The following WWOX variants were observed in gnomAD, a reference collection of about 807,000 sequenced individuals.
The protein encoded by WWOX is WW domain-containing oxidoreductase.
In WWOX, 69 loss-of-function variants were observed where a neutral mutation model predicts 46.2. The ratio of observed to expected loss-of-function variants is 1.49; its 90% CI spans 1.23 to 1.82. The LOEUF (loss-of-function observed/expected upper bound fraction) is 1.82, where lower values mean the gene tolerates loss of function less well. Among genes scored for constraint, WWOX ranks in the 40% most tolerant of loss-of-function variants. The pLI is 0.00. For missense variants in WWOX, 919 were observed against 542.6 expected (o/e 1.69, Z -6.89); for synonymous variants, 359 against 202.6 (o/e 1.77, Z -6.56).
At chr16:79,092,595 C>T (rs2048984961) in intron 8 of WWOX, among the ~76,000 whole-genome samples, 1 of 152,274 alleles carries the variant, frequency 6.6e-6, no homozygotes, top group Non-Finnish European at 1.5e-5. Context: ...TGTAATTGGT[C>T]TTTAGCCTGA....
intron 8 of WWOX, among the ~76,000 whole-genome samples, chr16:79,184,795 C>T (rs547513494): frequency 1.1e-4 from 17 of 152,290 alleles, no homozygotes; most frequent in Non-Finnish European, 2.2e-4. Flanking sequence ...GTTAATTCCT[C>T]CAGCTAATTT....
chr16:78,140,158 G>T (rs188884558), intron 4 of WWOX, among the ~76,000 whole-genome samples: 1 of 152,144 alleles, frequency 6.6e-6, no homozygotes, highest in Non-Finnish European at 1.5e-5. Flanking sequence ...CATGGTGAGC[G>T]TAAAAATGGT....
intron 8 of WWOX, among the ~76,000 whole-genome samples, chr16:78,455,003 G>A (rs931467747): frequency 1.1e-4 from 16 of 152,192 alleles, no homozygotes; most frequent in African/African-American, 3.6e-4. Flanking sequence ...TTAAGGCATA[G>A]CAAATGCAAA....
chr16:78,437,598 T>C (rs865787442), intron 8 of WWOX, among the ~76,000 whole-genome samples: 1 of 152,198 alleles, frequency 6.6e-6, no homozygotes, highest in African/African-American at 2.4e-5. Flanking sequence ...TCCAGAGAAC[T>C]GGACAAGTGT....
At chr16:78,189,477 C>T (rs917749354) in intron 5 of WWOX, among the ~76,000 whole-genome samples, 3 of 152,128 alleles carry the variant, frequency 2.0e-5, no homozygotes, top group Non-Finnish European at 4.4e-5. Context: ...GATCATTTGT[C>T]CACCTTCAGA....
chr16:78,122,023 TGAGA>T (rs148741694), intron 4 of WWOX, among the ~76,000 whole-genome samples: 31 of 151,990 alleles, frequency 2.0e-4, no homozygotes, highest in Admixed American at 2.0e-4. Context: ...ATACTAATTT[TGAGA>T]GAGAGAGAGT....
chr16:79,196,042 A>G (rs188312868), intron 8 of WWOX, among the ~76,000 whole-genome samples: 87 of 152,286 alleles, frequency 5.7e-4, no homozygotes, highest in African/African-American at 2.1e-3. Context: ...ATGCAATTTA[A>G]TCAGTAGGAA....
intron 8 of WWOX, among the ~76,000 whole-genome samples, chr16:78,859,552 C>T (rs920763413): frequency 6.6e-6 from 1 of 152,256 alleles, no homozygotes; most frequent in Admixed American, 6.5e-5. Context: ...GTTAGTAAAA[C>T]TTCAGATTTT....
intron 8 of WWOX, among the ~76,000 whole-genome samples, chr16:78,730,860 A>C (rs1034893640): frequency 1.3e-5 from 2 of 152,080 alleles, no homozygotes; most frequent in Non-Finnish European, 2.9e-5. Flanking sequence ...AACCACCAGG[A>C]ATCTTGGCAA....
chr16:78,709,759 C>G (rs751875662), intron 8 of WWOX, among the ~76,000 whole-genome samples: 44 of 147,230 alleles, frequency 3.0e-4, no homozygotes, highest in Non-Finnish European at 5.4e-4. Flanking sequence ...GTGATAATCT[C>G]TCTCTGTCAC....
chr16:79,021,485 C>G (rs539839490), intron 8 of WWOX, among the ~76,000 whole-genome samples: 15 of 152,262 alleles, frequency 9.9e-5, no homozygotes, highest in Non-Finnish European at 1.6e-4. Flanking sequence ...AAAATATTAA[C>G]TCATGGGATC....
chr16:79,109,692 A>G (rs970102699), intron 8 of WWOX, among the ~76,000 whole-genome samples: 10 of 152,198 alleles, frequency 6.6e-5, no homozygotes, highest in South Asian at 2.1e-4. Flanking sequence ...ATTTATCTCT[A>G]AATTATGATA....
chr16:79,211,681 A>G lies in WWOX; in HGVS notation c.1130A>G (p.Asn377Ser). 1 of 1,614,212 alleles carries G rather than the reference A, an allele frequency of 6.2e-7. No individual in the cohort carries two copies. Among genetic ancestry groups the G allele is most frequent in the Non-Finnish European group, 8.5e-7 (1 of 1,180,040 alleles). The change falls in exon 9 of 9, where the codon AAC becomes AGC. Residue 377 changes from asparagine (N) to serine (S), a missense_variant. Asn to Ser is a conservative substitution (Grantham distance 46). Transcript: ENST00000566780. ...ELEGLGGMYF[N>S]NCCRCMPSPE... ...GAGGGTCTGGGAGGGATGTACTTCA[A>G]CAACTGCTGCCGCTGCATGCCCTCA...
At chr16:78,742,747 T>A (rs1188612294) in intron 8 of WWOX, among the ~76,000 whole-genome samples, 1 of 152,188 alleles carries the variant, frequency 6.6e-6, no homozygotes, top group Non-Finnish European at 1.5e-5. Context: ...CACTTTGGTT[T>A]ATCGTGTGAG....
chr16:78,667,002 C>T (rs2047346341), intron 8 of WWOX, among the ~76,000 whole-genome samples: 1 of 152,144 alleles, frequency 6.6e-6, no homozygotes. Flanking sequence ...TTCCTTTTAT[C>T]TCTAACTCTA....
In WWOX at chr16:78,702,120, A is replaced by ATATATTTATT. The variant is rs1207718237; in HGVS notation, c.1056+269371_1056+269372insATTTATTTAT. Among the ~76,000 whole-genome samples, 7 of 130,040 alleles carry ATATATTTATT rather than the reference A, an allele frequency of 5.4e-5. 1 individual carries two copies. Among genetic ancestry groups the ATATATTTATT allele is most frequent in the African/African-American group, 2.3e-4 (7 of 30,230 alleles). The allele number at this position is 130,040 out of a possible 152,430, so 85.3% of individuals were successfully genotyped here. ...TAAAGTTATATATATATATATATAT[A>ATATATTTATT]TATTTATTTATTTTCAAGACATGGT... On this transcript the variant is annotated intron_variant, in intron 8 of 8. Coordinates refer to ENST00000566780, the MANE Select transcript of WWOX (RefSeq NM_016373.4).
chr16:78,975,653 A>C (rs997569348), intron 8 of WWOX, among the ~76,000 whole-genome samples: 1 of 152,100 alleles, frequency 6.6e-6, no homozygotes, highest in Non-Finnish European at 1.5e-5. Context: ...CTCAAAACCA[A>C]TGTTAACACC....
chr16:78,520,473 T>G (rs2043324327), intron 8 of WWOX, among the ~76,000 whole-genome samples: 1 of 152,130 alleles, frequency 6.6e-6, no homozygotes, highest in African/African-American at 2.4e-5. Flanking sequence ...CAGACAAGTA[T>G]TAGAAAGTAA....
intron 5 of WWOX, among the ~76,000 whole-genome samples, chr16:78,336,617 C>A (rs1454577528): frequency 6.6e-6 from 1 of 151,952 alleles, no homozygotes; most frequent in Non-Finnish European, 1.5e-5. Context: ...AACACAGTCC[C>A]CATCTGTACT....
Sources: allele counts gnomAD v4.1 joint callset (sites outside exome capture counted in the v4.1 genomes callset), GRCh38; gene constraint gnomAD v4.1.1; transcripts MANE v1.5; gene names NCBI Gene and HGNC (gene_info 2026-07-23, HGNC 2026-07-21).